The following SLC24A2 variants were observed in gnomAD, a reference collection of about 807,000 sequenced individuals.
SLC24A2 encodes solute carrier family 24 member 2.
SLC24A2 carries 36 observed loss-of-function variants against 62.0 expected under a neutral mutation model. The observed-to-expected ratio is 0.58, with a 90% CI of 0.44 to 0.77. The LOEUF (loss-of-function observed/expected upper bound fraction) is 0.77. Among genes scored for constraint, SLC24A2 ranks in the 30% least tolerant of loss-of-function variants. The pLI is 0.00. For missense variants in SLC24A2, 846 were observed against 817.9 expected (o/e 1.03, Z -0.42); for synonymous variants, 358 against 294.0 (o/e 1.22, Z -2.23).
At chr9:19,801,731 G>C in the SLC24A2 span, among the ~76,000 whole-genome samples, 2 of 152,170 alleles carry the variant, frequency 1.3e-5, no homozygotes, top group Non-Finnish European at 2.9e-5. Flanking sequence ...TGCAAGCCCT[G>C]TGTTTAAAGG....
chr9:20,018,297 C>T, the SLC24A2 span, among the ~76,000 whole-genome samples: 1 of 152,206 alleles, frequency 6.6e-6, no homozygotes, highest in Non-Finnish European at 1.5e-5. Flanking sequence ...TTAACCATCA[C>T]AGAGTGATTG....
chr9:19,690,933 G>C (rs72702446), intron 2 of SLC24A2, among the ~76,000 whole-genome samples: 4 of 139,230 alleles, frequency 2.9e-5, no homozygotes, highest in Non-Finnish European at 6.5e-5. Flanking sequence ...GAGAGAGAGA[G>C]AGACAGAGAG....
chr9:19,733,332 T>C (rs1821395369), intron 2 of SLC24A2, among the ~76,000 whole-genome samples: 1 of 152,162 alleles, frequency 6.6e-6, no homozygotes, highest in Non-Finnish European at 1.5e-5. Context: ...GAATCAAAGC[T>C]CTTGATTTTC....
At chr9:19,745,328 C>T (rs1273789702) in intron 2 of SLC24A2, among the ~76,000 whole-genome samples, 2 of 152,166 alleles carry the variant, frequency 1.3e-5, no homozygotes, top group Non-Finnish European at 2.9e-5. Flanking sequence ...GGTATTCCTT[C>T]ATGCAATGCA....
the SLC24A2 span, among the ~76,000 whole-genome samples, chr9:19,997,302 A>G: frequency 5.3e-5 from 8 of 152,316 alleles, no homozygotes; most frequent in African/African-American, 1.9e-4. Context: ...AAAGAGAGAA[A>G]TTAGAATAAA....
At chr9:20,025,856 A>C in the SLC24A2 span, among the ~76,000 whole-genome samples, 639 of 152,258 alleles carry the variant, frequency 4.2e-3, 5 homozygotes, top group Non-Finnish European at 6.9e-3. Flanking sequence ...TGAACAGAGG[A>C]GTAGGGAGAG....
At chr9:19,593,484 G>A (rs916852914) in intron 5 of SLC24A2, among the ~76,000 whole-genome samples, 1 of 152,114 alleles carries the variant, frequency 6.6e-6, no homozygotes, top group Non-Finnish European at 1.5e-5. Flanking sequence ...GGCTCGGAGG[G>A]CAAGGAGAAA....
At chr9:19,563,763 C>G (rs1248575973) in intron 7 of SLC24A2, among the ~76,000 whole-genome samples, 1 of 86,550 alleles carries the variant, frequency 1.2e-5, no homozygotes, top group African/African-American at 5.3e-5. Flanking sequence ...TCCTTCCTTT[C>G]ATCTGTAACA....
chr9:19,709,768 G>A (rs1587195963), intron 2 of SLC24A2, among the ~76,000 whole-genome samples: 1 of 96,446 alleles, frequency 1.0e-5, no homozygotes, highest in Non-Finnish European at 1.9e-5. Context: ...GGGGTGGGGG[G>A]AGGGATAGCA....
At chr9:19,927,082 C>A in the SLC24A2 span, 1 of 152,284 alleles carries the variant, frequency 6.6e-6, no homozygotes, top group South Asian at 2.1e-4. Context: ...CCAGTCGGGG[C>A]TTCCACAGCA....
At chr9:20,232,922 G>A in the SLC24A2 span, among the ~76,000 whole-genome samples, 1 of 151,696 alleles carries the variant, frequency 6.6e-6, no homozygotes, top group Non-Finnish European at 1.5e-5. Context: ...TCTGGTATGT[G>A]GTGTCTTTGT....
chr9:19,529,326 G>C (rs1050372525), intron 8 of SLC24A2, among the ~76,000 whole-genome samples: 12 of 152,172 alleles, frequency 7.9e-5, no homozygotes, highest in Admixed American at 2.6e-4. Context: ...AAAAGGAAAA[G>C]ATAAACTCAT....
At chr9:20,160,889 C>A in the SLC24A2 span, among the ~76,000 whole-genome samples, 1 of 150,164 alleles carries the variant, frequency 6.7e-6, no homozygotes, top group East Asian at 2.0e-4. Context: ...CAAAAAAGAT[C>A]AGAGCAGAAA....
At chr9:19,811,390 A>G in the SLC24A2 span, among the ~76,000 whole-genome samples, 1 of 152,228 alleles carries the variant, frequency 6.6e-6, no homozygotes, top group Non-Finnish European at 1.5e-5. Context: ...TTTCAGTTAC[A>G]TTACTGAACT....
chr9:20,131,007 AT>A, the SLC24A2 span, among the ~76,000 whole-genome samples: 1 of 152,028 alleles, frequency 6.6e-6, no homozygotes, highest in Non-Finnish European at 1.5e-5. Flanking sequence ...ACAAACCACA[AT>A]GACGAAAATA....
the SLC24A2 span, among the ~76,000 whole-genome samples, chr9:20,117,606 CTTA>C: frequency 7.9e-5 from 12 of 152,104 alleles, no homozygotes; most frequent in Non-Finnish European, 1.6e-4. Context: ...TAACAAAGTA[CTTA>C]TTATGTTTGT....
intron 2 of SLC24A2, among the ~76,000 whole-genome samples, chr9:19,777,695 A>G (rs10811242): frequency 0.23 from 34,412 of 151,992 alleles, 4,154 homozygotes; most frequent in South Asian, 0.32. Flanking sequence ...TTAAATACAT[A>G]GGTGTGTATA....
chr9:19,747,040 T>C (rs1261163334), intron 2 of SLC24A2, among the ~76,000 whole-genome samples: 1 of 152,172 alleles, frequency 6.6e-6, no homozygotes, highest in Non-Finnish European at 1.5e-5. Flanking sequence ...CATTAGAGTA[T>C]AACCTCTTTT....
rs1218289219 is a variant in SLC24A2 at position 19,513,981 on chromosome 9, G to A, written c.*2172C>T. The A allele has an allele frequency of 6.6e-6, 1 of 152,202 alleles. No homozygotes were observed. The highest frequency in any genetic ancestry group is 1.5e-5 in the Non-Finnish European group (1 of 68,050). The allele number at this position is 152,202 out of a possible 1,614,324, so 9.4% of individuals were successfully genotyped here. A position where few individuals can be genotyped will look rare whatever the true frequency, so the allele number is the denominator to read the frequency against. On this transcript the variant is annotated 3_prime_UTR_variant, in exon 11 of 11. Transcript: ENST00000341998. ...CCACTCAGCGCCTCTATTGGATGGT[G>A]TTTCAATGTCTTGGAAGGCATTGTC...
Sources: gnomAD v4.1 joint callset for allele counts (sites outside exome capture counted in the v4.1 genomes callset) on GRCh38, gnomAD v4.1.1 for gene constraint, MANE v1.5 for transcripts, NCBI Gene and HGNC (gene_info 2026-07-23, HGNC 2026-07-21) for gene names.